CUZD1: variants seen among roughly 807,000 people sequenced by gnomAD.
The protein encoded by CUZD1 is CUB and zona pellucida like domains 1.
CUZD1 carries 42 observed loss-of-function variants against 53.1 expected under a neutral mutation model. That is an observed-to-expected ratio of 0.79 (90% CI 0.62 to 1.02). CUZD1 has a LOEUF of 1.02. Ranked by LOEUF, CUZD1 falls within the 50% of genes least tolerant of loss-of-function variation. The pLI, the probability that CUZD1 is intolerant of heterozygous loss-of-function variation, is 0.00. For synonymous variants in CUZD1, 238 were observed against 257.2 expected (o/e 0.93, Z 0.71); for missense variants, 670 against 715.7 (o/e 0.94, Z 0.73).
chr10:122,844,012 C>G (rs1342494202), intron 1 of CUZD1, among the ~76,000 whole-genome samples: 2 of 147,530 alleles, frequency 1.4e-5, no homozygotes, highest in African/African-American at 5.0e-5. Flanking sequence ...TATAGAGAGA[C>G]TATATATAAA....
chr10:122,836,099 T>TAGCA, intron 6 of CUZD1, 79 bp downstream of exon 6: 1 of 1,336,076 alleles, frequency 7.5e-7, no homozygotes, highest in Non-Finnish European at 1.0e-6. Flanking sequence ...TTACAGCAGC[T>TAGCA]AGCAAGCATT....
intron 6 of CUZD1, among the ~76,000 whole-genome samples, chr10:122,835,874 G>A (rs534429739): frequency 3.3e-5 from 5 of 152,210 alleles, no homozygotes; most frequent in African/African-American, 1.2e-4. Flanking sequence ...CTGCATAAGT[G>A]TTACTGGTAG....
chr10:122,834,923 CAT>C lies in CUZD1; in HGVS notation c.1163_1164del (p.Asn388SerfsTer6), dbSNP rs751640179. On this transcript the variant is annotated frameshift_variant, in exon 7 of 9. Transcript: ENST00000392790. LOFTEE classifies it high-confidence loss of function. ...ITEDDVIQSQ[N>X]ALGKYNTSMA... ...ATGCTGGTGTTATATTTGCCCAGTG[CAT>C]TTTGACTTTGTATTACATCATCTTC... The C allele has an allele frequency of 6.2e-7, 1 of 1,613,328 alleles. No individual in the cohort carries two copies. The highest frequency in any genetic ancestry group is 8.5e-7 in the Non-Finnish European group (1 of 1,179,576).
At chr10:122,832,901 G>A (rs756892771) in intron 8 of CUZD1, among the ~76,000 whole-genome samples, 5 of 151,962 alleles carry the variant, frequency 3.3e-5, no homozygotes, top group Admixed American at 6.5e-5. Context: ...TCAAACCAGC[G>A]TCTATAGATA....
chr10:122,834,852 T>C lies in CUZD1; in HGVS notation c.1236A>G (p.Ser412=). 6.2e-7 allele frequency: 1 copy of C among 1,613,866 alleles called. No individual in the cohort carries two copies. The highest frequency in any genetic ancestry group is 2.2e-5 in the East Asian group (1 of 44,866). The change falls in exon 7 of 9, where the codon TCA becomes TCG. Residue 412 remains serine, a synonymous_variant. Transcript: ENST00000392790. ...TTTGGTTCAAATCCACATAATATGG[T>C]GATTCAAGTATAGTCTTTTCAAATG... ...SNSFEKTILE[S]PYYVDLNQTL...
chr10:122,842,433 G>A (rs1392775519), intron 1 of CUZD1, among the ~76,000 whole-genome samples: 3 of 152,152 alleles, frequency 2.0e-5, no homozygotes, highest in African/African-American at 7.2e-5. Flanking sequence ...GACCATATTT[G>A]TGTGGATCTA....
Position 122,833,653 on chromosome 10 carries a change from G to A in CUZD1, c.1651+19C>T. The A allele has an allele frequency of 6.2e-7, 1 of 1,608,356 alleles. No individual in the cohort carries two copies. The highest frequency in any genetic ancestry group is 8.5e-7 in the Non-Finnish European group (1 of 1,176,650). On this transcript the variant is annotated intron_variant, in intron 8 of 8. Coordinates refer to ENST00000392790, the MANE Select transcript of CUZD1 (RefSeq NM_022034.6). ...GAGCCATGATGTGCTTTTGGATCAT[G>A]GAATAGCTTTTTTCTTACCTGAATT... is the stretch of plus-strand genomic sequence containing the variant.
chr10:122,833,707 C>A lies in CUZD1; in HGVS notation c.1616G>T (p.Arg539Leu), dbSNP rs34962077. Residue 539 changes from arginine (R) to leucine (L), a missense_variant, in exon 8 of 9, where the codon CGT becomes CTT. Arg to Leu is a moderately radical substitution (Grantham distance 102). Coordinates refer to ENST00000392790, the MANE Select transcript of CUZD1 (RefSeq NM_022034.6). Reference sequence around the variant, plus strand: ...ACTTGCACTTCGATCCCTTTTCAGACGAATGGGTCCTATGATGGAATCTGT... The same window carrying A: ...ACTTGCACTTCGATCCCTTTTCAGAAGAATGGGTCCTATGATGGAATCTGT... The part of the protein sequence containing the change: ...WKTDSIIGPI[R>L]LKRDRSASGN... The A allele has an allele frequency of 2.5e-6, 4 of 1,613,656 alleles. No individual in the cohort carries two copies. The Admixed American group carries it at 5.0e-5, about 20-fold the overall frequency.
At chr10:122,834,288 A>T (rs971373765) in intron 7 of CUZD1, among the ~76,000 whole-genome samples, 1 of 152,226 alleles carries the variant, frequency 6.6e-6, no homozygotes, top group African/African-American at 2.4e-5. Flanking sequence ...CCTTTCAAAT[A>T]AGAACGTTAT....
chr10:122,840,894 T>C (rs555979763), intron 2 of CUZD1, among the ~76,000 whole-genome samples: 3 of 152,336 alleles, frequency 2.0e-5, no homozygotes, highest in South Asian at 2.1e-4. Flanking sequence ...ACTCTGGTCA[T>C]GCTATTCACT....
intron 4 of CUZD1, 118 bp from the exon 5 acceptor site, chr10:122,837,166 C>G: frequency 1.1e-6 from 1 of 904,272 alleles, no homozygotes; most frequent in Non-Finnish European, 1.6e-6. Flanking sequence ...TCAATGGTAT[C>G]TCAGGTTTAC....
At position 122,837,520 on chromosome 10, in the gene CUZD1, C is replaced by A; in HGVS notation, c.483G>T (p.Leu161Phe). The change falls in exon 4 of 9, where the codon TTG becomes TTT. Residue 161 changes from leucine (L) to phenylalanine (F), a missense_variant. Coordinates refer to ENST00000392790, the MANE Select transcript of CUZD1 (RefSeq NM_022034.6). Reference protein sequence around the residue: ...IPNCGGYLDTLEGSFTSPNYP... With the variant: ...IPNCGGYLDTFEGSFTSPNYP... ...AATTGGGGCTGGTGAAGGATCCTTCCAAGGTATCCAGGTAACCGCCACAGT... is the reference window on the plus strand; with the variant it reads ...AATTGGGGCTGGTGAAGGATCCTTCAAAGGTATCCAGGTAACCGCCACAGT... 6.2e-7 allele frequency: 1 copy of A among 1,600,132 alleles called. No individual in the cohort carries two copies. Among genetic ancestry groups the A allele is most frequent in the Non-Finnish European group, 8.5e-7 (1 of 1,173,686 alleles).
intron 1 of CUZD1, among the ~76,000 whole-genome samples, chr10:122,844,122 G>A (rs1409800201): frequency 2.6e-5 from 4 of 151,512 alleles, no homozygotes; most frequent in African/African-American, 9.7e-5. Flanking sequence ...TCAAACTACT[G>A]GGCTCAAGTG....
intron 1 of CUZD1, among the ~76,000 whole-genome samples, chr10:122,843,749 C>G (rs1357071707): frequency 6.7e-6 from 1 of 149,566 alleles, no homozygotes; most frequent in African/African-American, 2.5e-5. Flanking sequence ...CTGGAGACAT[C>G]AGGAGAAATG....
chr10:122,836,899 T>A lies in CUZD1; in HGVS notation c.749A>T (p.Asp250Val), dbSNP rs201090823. The part of the protein sequence containing the change: ...SNSLTVVLST[D>V]YANSYRGFSA... ...AAATCCCCGGTAAGAATTGGCATAA[T>A]CTGTAGACAACACGACAGTCAGAGA... Residue 250 changes from aspartate (D) to valine (V), a missense_variant, in exon 5 of 9, where the codon GAT becomes GTT. Physicochemically the swap from Asp to Val is radical, Grantham distance 152. Coordinates refer to ENST00000392790, the MANE Select transcript of CUZD1 (RefSeq NM_022034.6). 3.7e-6 allele frequency: 6 copies of A among 1,613,972 alleles called. No homozygotes were observed. The African/African-American group carries it at 8.0e-5, about 22-fold the overall frequency.
chr10:122,844,029 T>C (rs1350935388), intron 1 of CUZD1, among the ~76,000 whole-genome samples: 2 of 148,766 alleles, frequency 1.3e-5, no homozygotes, highest in Admixed American at 6.7e-5. Context: ...TAAATATATA[T>C]ATATATAGAG....
Position 122,839,198 on chromosome 10 carries a change from G to A in CUZD1, c.267C>T (p.Asn89=), listed in dbSNP as rs781278916. 30 of 1,608,744 alleles carry A rather than the reference G, an allele frequency of 1.9e-5. No homozygotes were observed. Among genetic ancestry groups the A allele is most frequent in the South Asian group, 7.7e-5 (7 of 90,976 alleles). The part of the protein sequence containing the change: ...LDPDGSCESE[N]IKVFDGTSSN... ...TGGAGGTTCCGTCAAAGACTTTAAT[G>A]TTTTCACTTTCACAGCTTCCATCTG... Residue 89 remains asparagine (N), a synonymous_variant, in exon 3 of 9, where the codon AAC becomes AAT. Transcript: ENST00000392790.
intron 1 of CUZD1, among the ~76,000 whole-genome samples, chr10:122,844,041 G>A (rs1847392437): frequency 6.7e-6 from 1 of 149,794 alleles, no homozygotes; most frequent in Admixed American, 6.7e-5. Flanking sequence ...TATATAGAGA[G>A]AGGGACAGAC....
In CUZD1 at chr10:122,839,167, C is replaced by G. The variant is rs760940694; in HGVS notation, c.298G>C (p.Gly100Arg). 10 of 1,614,146 alleles carry G rather than the reference C, an allele frequency of 6.2e-6. No individual in the cohort carries two copies. Among genetic ancestry groups the G allele is most frequent in the African/African-American group, 1.3e-5 (1 of 75,048 alleles). ...IKVFDGTSSN[G>R]PLLGQVCSKN... is the part of the protein sequence containing the mutation. ...CTGCAGACTTGCCCTAGCAGAGGCC[C>G]ATTGCTGGAGGTTCCGTCAAAGACT... The change falls in exon 3 of 9, where the codon GGG (glycine) becomes CGG (arginine). Residue 100 changes from glycine (G) to arginine (R), a missense_variant. Coordinates refer to ENST00000392790, the MANE Select transcript of CUZD1 (RefSeq NM_022034.6).
Sources: allele counts gnomAD v4.1 joint callset (sites outside exome capture counted in the v4.1 genomes callset), GRCh38; gene constraint gnomAD v4.1.1; transcripts MANE v1.5; gene names NCBI Gene and HGNC (gene_info 2026-07-23, HGNC 2026-07-21).